ST14: variants seen among roughly 807,000 people sequenced by gnomAD.
ST14 encodes suppressor of tumorigenicity 14 protein.
In ST14, 40 loss-of-function variants were observed where a neutral mutation model predicts 96.5. The ratio of observed to expected loss-of-function variants is 0.41; its 90% CI spans 0.32 to 0.54. The LOEUF is 0.54. Among genes scored for constraint, ST14 ranks in the 20% least tolerant of loss-of-function variants. The pLI is 0.17. For synonymous variants in ST14, 506 were observed against 492.1 expected, an observed-to-expected ratio of 1.03 and a Z score of -0.37; for missense variants, 1,066 against 1,188.9, an observed-to-expected ratio of 0.90 and a Z score of 1.52.
chr11:130,196,764 C>A, intron 11 of ST14, 64 bp downstream of exon 11: 1 of 1,609,530 alleles, frequency 6.2e-7, no homozygotes, highest in Non-Finnish European at 8.5e-7. Flanking sequence ...GTCTACCCTG[C>A]ATCTCGTTAG....
intron 9 of ST14, 132 bp from the exon 10 acceptor site, chr11:130,196,207 C>A: frequency 1.4e-6 from 1 of 739,484 alleles, no homozygotes; most frequent in South Asian, 1.5e-5. Context: ...GCTGGGAGAA[C>A]TTTGCAACCT....
At chr11:130,180,875 TGCATCA>T (rs1430556274) in intron 1 of ST14, among the ~76,000 whole-genome samples, 2 of 152,228 alleles carry the variant, frequency 1.3e-5, no homozygotes, top group African/African-American at 2.4e-5. Context: ...GGGGAGGATA[TGCATCA>T]GTTGCTCTAG....
In ST14 at chr11:130,160,198, C is replaced by G. The variant is rs541766237; in HGVS notation, c.81+138C>G. On this transcript the variant is annotated intron_variant, in intron 1 of 18. Coordinates refer to ENST00000278742, the MANE Select transcript of ST14 (RefSeq NM_021978.4). ...GGGCGCACAGGTGGAATTTCCTGTT[C>G]AGCGGGTGCCGGGCCGCGGGCGGGC... 302 of 568,910 alleles carry G rather than the reference C, an allele frequency of 5.3e-4. 3 individuals are homozygous for G. In the East Asian group the frequency reaches 8.8e-3, roughly 17 times the overall value. The allele number at this position is 568,910 out of a possible 1,614,324, so 35.2% of individuals were successfully genotyped here.
intron 17 of ST14, among the ~76,000 whole-genome samples, chr11:130,209,149 C>A (rs576751079): frequency 6.6e-6 from 1 of 152,262 alleles, no homozygotes; most frequent in East Asian, 1.9e-4. Flanking sequence ...TCACAGAACC[C>A]CGCGGGCATT....
At position 130,208,530 on chromosome 11, in the gene ST14, C is replaced by G; in HGVS notation, c.2115C>G (p.Asp705Glu). The G allele has an allele frequency of 3.1e-6, 5 of 1,614,248 alleles. No homozygotes were observed. Among genetic ancestry groups the G allele is most frequent in the Non-Finnish European group, 4.2e-6 (5 of 1,180,044 alleles). The change falls in exon 17 of 19, where the codon GAC (aspartate) becomes GAG (glutamate). Residue 705 changes from aspartate (D) to glutamate (E), a missense_variant. By Grantham distance (45) the Asp-to-Glu change is conservative (BLOSUM62 2). Coordinates refer to ENST00000278742, the MANE Select transcript of ST14 (RefSeq NM_021978.4). ...TCATCTCCCACCCCTTCTTCAATGACTTCACCTTCGACTATGACATCGCGC... is the reference window on the plus strand; with the variant it reads ...TCATCTCCCACCCCTTCTTCAATGAGTTCACCTTCGACTATGACATCGCGC... ...KRIISHPFFN[D>E]FTFDYDIALL...
In ST14 at chr11:130,209,938, C is replaced by A; in HGVS notation, c.*115C>A. ...ACTGCACCAGCGCCCCCAGAACATA[C>A]ACTGTGAACTCAATCTCCAGGGCTC... On this transcript the variant is annotated 3_prime_UTR_variant, in exon 19 of 19. Transcript: ENST00000278742. 1.6e-6 allele frequency: 2 copies of A among 1,278,976 alleles called. No homozygotes were observed. The highest frequency in any genetic ancestry group is 1.1e-6 in the Non-Finnish European group (1 of 919,604). 79.2% of individuals were successfully genotyped at this position (1,278,976 alleles called of 1,614,324 possible). A position where few individuals can be genotyped will look rare whatever the true frequency, so the allele number is the denominator to read the frequency against.
At chr11:130,190,802 C>CAAG in intron 7 of ST14, 108 bp downstream of exon 7, 2 of 1,362,704 alleles carry the variant, frequency 1.5e-6, no homozygotes, top group Non-Finnish European at 2.0e-6. Flanking sequence ...GGCCGCAGGC[C>CAAG]ACTGCTAAAC....
intron 17 of ST14, among the ~76,000 whole-genome samples, chr11:130,208,953 G>T (rs1232859354): frequency 6.6e-6 from 1 of 152,176 alleles, no homozygotes; most frequent in African/African-American, 2.4e-5. Flanking sequence ...TTGTGCATGC[G>T]CGTAATGAAG....
intron 1 of ST14, among the ~76,000 whole-genome samples, chr11:130,186,393 C>T (rs1953238243): frequency 6.6e-6 from 1 of 151,992 alleles, no homozygotes; most frequent in African/African-American, 2.4e-5. Context: ...AAGGAAAATC[C>T]CAGGGCAATG....
intron 7 of ST14, among the ~76,000 whole-genome samples, chr11:130,190,962 C>T (rs561717393): frequency 3.0e-4 from 45 of 152,314 alleles, no homozygotes; most frequent in South Asian, 1.0e-3. Flanking sequence ...TGCCCTGAAC[C>T]GCCGGAGAGA....
intron 16 of ST14, among the ~76,000 whole-genome samples, chr11:130,201,386 C>A (rs1394975376): frequency 2.0e-5 from 3 of 152,236 alleles, no homozygotes; most frequent in African/African-American, 7.2e-5. Context: ...GCTCCAGGAG[C>A]AGGTGACCCA....
chr11:130,190,061 T>C (rs1269841222), intron 5 of ST14, 52 bp from the exon 6 acceptor site: 1 of 1,613,742 alleles, frequency 6.2e-7, no homozygotes, highest in Non-Finnish European at 8.5e-7. Flanking sequence ...GAAGCAGGAA[T>C]AAGGAAATGG....
chr11:130,180,844 C>T (rs1022276858), intron 1 of ST14, among the ~76,000 whole-genome samples: 4 of 151,658 alleles, frequency 2.6e-5, no homozygotes, highest in Admixed American at 6.6e-5. Context: ...TTTTTCTTTT[C>T]GTTTTGGAGA....
At chr11:130,197,796 G>T in intron 11 of ST14, 45 bp from the exon 12 acceptor site, 1 of 1,485,040 alleles carries the variant, frequency 6.7e-7, no homozygotes, top group Non-Finnish European at 9.1e-7. Flanking sequence ...CCAGCGGAGG[G>T]AGGTGGGTGG....
At chr11:130,206,017 A>G (rs565712255) in intron 16 of ST14, among the ~76,000 whole-genome samples, 3 of 152,266 alleles carry the variant, frequency 2.0e-5, no homozygotes, top group Admixed American at 6.5e-5. Flanking sequence ...CTTTTTAAAA[A>G]AAGTCCTAGG....
At chr11:130,208,722 T>A (rs754313583) in intron 17 of ST14, 38 bp downstream of exon 17, 3 of 1,591,258 alleles carry the variant, frequency 1.9e-6, no homozygotes, top group Non-Finnish European at 2.6e-6. Flanking sequence ...GCAGAGGGCC[T>A]GGGGCCTTTC....
chr11:130,190,481 G>T lies in ST14; in HGVS notation c.662G>T (p.Arg221Leu), dbSNP rs371005131. ...AGCTGCAGCTTTGGCCTGCACGCCC[G>T]CGGTGTGGAGCTGATGCGCTTCACC... ...DNSCSFGLHARGVELMRFTTP... is the reference protein window; with the variant it reads ...DNSCSFGLHALGVELMRFTTP... The change falls in exon 7 of 19, where the codon CGC (arginine) becomes CTC (leucine). Residue 221 changes from arginine to leucine, a missense_variant. Arg to Leu is a moderately radical substitution (Grantham distance 102). Transcript: ENST00000278742. 192 of 1,607,722 alleles carry T rather than the reference G, an allele frequency of 1.2e-4. No homozygotes were observed. In the Middle Eastern group the frequency reaches 1.8e-3, roughly 15 times the overall value.
intron 1 of ST14, among the ~76,000 whole-genome samples, chr11:130,175,139 G>T (rs56316090): frequency 6.6e-6 from 1 of 151,988 alleles, no homozygotes; most frequent in East Asian, 1.9e-4. Flanking sequence ...TATCTATCAC[G>T]TGCCATCCCT....
chr11:130,160,104 C>A, intron 1 of ST14, 44 bp downstream of exon 1: 1 of 1,320,692 alleles, frequency 7.6e-7, no homozygotes, highest in South Asian at 1.7e-5. Flanking sequence ...AGCTCCTGCC[C>A]GCCCGACCCT....
Sources: allele counts gnomAD v4.1 joint callset (sites outside exome capture counted in the v4.1 genomes callset), GRCh38; gene constraint gnomAD v4.1.1; transcripts MANE v1.5; gene names NCBI Gene and HGNC (gene_info 2026-07-23, HGNC 2026-07-21).